The following EYS variants were observed in gnomAD, a reference collection of about 807,000 sequenced individuals.
EYS encodes the protein protein eyes shut homolog.
Under a neutral mutation model 282.1 loss-of-function variants are expected in EYS, and 250 were observed. The observed-to-expected ratio is 0.89, with a 90% CI of 0.80 to 0.98. The LOEUF is 0.98. Among genes scored for constraint, EYS ranks in the 50% least tolerant of loss-of-function variants. EYS has a pLI of 0.00. For synonymous variants in EYS, 1,355 were observed against 1,282.9 expected (o/e 1.06, Z -1.20); for missense variants, 4,016 against 3,709.0 (o/e 1.08, Z -2.15).
chr6:63,921,630 T>C (rs955333354), intron 35 of EYS, among the ~76,000 whole-genome samples: 2 of 152,142 alleles, frequency 1.3e-5, no homozygotes, highest in Middle Eastern at 3.2e-3. Flanking sequence ...TGTTTCCTTA[T>C]GGATAAAATC....
chr6:64,321,665 T>A (rs1770223621), intron 29 of EYS, among the ~76,000 whole-genome samples: 2 of 151,694 alleles, frequency 1.3e-5, no homozygotes, highest in Admixed American at 1.3e-4. Context: ...AAATAATAGA[T>A]CAAGAAAAAG....
chr6:65,012,405 A>T (rs1013437645), intron 13 of EYS, among the ~76,000 whole-genome samples: 3 of 152,206 alleles, frequency 2.0e-5, no homozygotes, highest in African/African-American at 7.2e-5. Flanking sequence ...TATTCACTAA[A>T]ATGTACAGTA....
At chr6:64,568,017 T>G (rs766066463) in intron 26 of EYS, among the ~76,000 whole-genome samples, 6 of 152,186 alleles carry the variant, frequency 3.9e-5, no homozygotes, top group Non-Finnish European at 8.8e-5. Flanking sequence ...GCATTCTCCA[T>G]GAGTAGAGAA....
intron 26 of EYS, among the ~76,000 whole-genome samples, chr6:64,493,651 CTTT>C: frequency 6.6e-6 from 1 of 150,748 alleles, no homozygotes; most frequent in South Asian, 2.1e-4. Flanking sequence ...CCATTGTATT[CTTT>C]TTTTTTAATT....
intron 5 of EYS, among the ~76,000 whole-genome samples, chr6:65,484,906 T>C (rs1312103629): frequency 6.6e-6 from 1 of 152,208 alleles, no homozygotes; most frequent in African/African-American, 2.4e-5. Context: ...CACACATTTA[T>C]GTTTGTCTAT....
At chr6:63,850,374 A>T (rs1193688187) in intron 36 of EYS, among the ~76,000 whole-genome samples, 2 of 152,194 alleles carry the variant, frequency 1.3e-5, no homozygotes, top group African/African-American at 4.8e-5. Context: ...ACATATAATC[A>T]TCAGATTCAC....
chr6:64,569,043 A>AAT (rs918912325), intron 26 of EYS, among the ~76,000 whole-genome samples: 2 of 149,534 alleles, frequency 1.3e-5, no homozygotes, highest in African/African-American at 5.0e-5. Context: ...AAAAAAAAAA[A>AAT]ACAGCAAAAA....
intron 32 of EYS, among the ~76,000 whole-genome samples, chr6:64,071,997 T>C (rs1296638292): frequency 1.3e-5 from 2 of 151,586 alleles, no homozygotes; most frequent in Non-Finnish European, 2.9e-5. Context: ...CGGGGGGACA[T>C]AAAAAATCCA....
At chr6:63,793,518 T>C (rs1357191658) in intron 37 of EYS, among the ~76,000 whole-genome samples, 1 of 152,252 alleles carries the variant, frequency 6.6e-6, no homozygotes, top group Non-Finnish European at 1.5e-5. Context: ...CGTTGCACAA[T>C]ATAAAAATGA....
intron 15 of EYS, among the ~76,000 whole-genome samples, chr6:64,938,653 A>G (rs906285199): frequency 6.6e-6 from 1 of 151,606 alleles, no homozygotes; most frequent in Non-Finnish European, 1.5e-5. Flanking sequence ...GATATTCAAT[A>G]ATTTATTATA....
rs148510432 is a variant in EYS at position 64,713,503 on chromosome 6, T to C, written c.3444-87258A>G. Among the ~76,000 whole-genome samples the C allele has an allele frequency of 6.5e-3, 993 of 152,284 alleles. 10 individuals are homozygous for C. Among genetic ancestry groups the C allele is most frequent in the African/African-American group, 0.023 (944 of 41,554 alleles). The stretch of plus-strand genomic sequence containing the variant: ...TGTTCAAAAGGAGATATTTCCTTCA[T>C]AAGTTTATAAAAGTCTAGGTGTTAA... On this transcript the variant is annotated intron_variant, in intron 22 of 42. Transcript: ENST00000503581.
chr6:63,919,943 G>A (rs751603817), intron 35 of EYS, among the ~76,000 whole-genome samples: 3 of 152,136 alleles, frequency 2.0e-5, no homozygotes, highest in Non-Finnish European at 2.9e-5. Context: ...GTGGCTCTAC[G>A]TAAATTGCGT....
At chr6:64,774,844 C>T (rs1010191742) in intron 22 of EYS, among the ~76,000 whole-genome samples, 1 of 151,878 alleles carries the variant, frequency 6.6e-6, no homozygotes, top group Admixed American at 6.6e-5. Context: ...TATCTGACAC[C>T]TTGCCTTTTT....
At chr6:65,085,306 T>C (rs1774334629) in intron 12 of EYS, among the ~76,000 whole-genome samples, 1 of 152,170 alleles carries the variant, frequency 6.6e-6, no homozygotes, top group Non-Finnish European at 1.5e-5. Flanking sequence ...TTGTGATTGA[T>C]CTGAAGTAAG....
At chr6:64,739,435 G>A (rs1772294031) in intron 22 of EYS, among the ~76,000 whole-genome samples, 1 of 152,140 alleles carries the variant, frequency 6.6e-6, no homozygotes, top group South Asian at 2.1e-4. Flanking sequence ...AAAGACTAAA[G>A]TTTAGCAATA....
chr6:64,666,990 A>G (rs1769254509), intron 22 of EYS, among the ~76,000 whole-genome samples: 1 of 152,038 alleles, frequency 6.6e-6, no homozygotes, highest in Non-Finnish European at 1.5e-5. Context: ...GTTTTATTAC[A>G]GTTCAATGGC....
chr6:63,791,476 G>A (rs768584131), intron 37 of EYS, among the ~76,000 whole-genome samples: 9 of 151,932 alleles, frequency 5.9e-5, no homozygotes, highest in Non-Finnish European at 1.0e-4. Flanking sequence ...TATTCAGGAG[G>A]CTGAGGCAGG....
At chr6:65,468,316 G>C (rs1765082393) in intron 5 of EYS, among the ~76,000 whole-genome samples, 1 of 152,040 alleles carries the variant, frequency 6.6e-6, no homozygotes. Flanking sequence ...TTTGGGGCAA[G>C]AATAGGGGAA....
At chr6:64,410,162 A>T (rs1582717820) in intron 28 of EYS, among the ~76,000 whole-genome samples, 1 of 152,242 alleles carries the variant, frequency 6.6e-6, no homozygotes, top group South Asian at 2.1e-4. Context: ...TGAGTCTGTG[A>T]ATTAACACAA....
Sources: allele counts gnomAD v4.1 joint callset (sites outside exome capture counted in the v4.1 genomes callset), GRCh38; gene constraint gnomAD v4.1.1; transcripts MANE v1.5; gene names NCBI Gene and HGNC (gene_info 2026-07-23, HGNC 2026-07-21).